The following ZBTB46 variants were observed in gnomAD, a reference collection of about 807,000 sequenced individuals.
The protein encoded by ZBTB46 is zinc finger and BTB domain-containing protein 46.
ZBTB46 carries 8 observed loss-of-function variants against 44.1 expected under a neutral mutation model. That is an observed-to-expected ratio of 0.18 (90% CI 0.11 to 0.33). The LOEUF is 0.33. Among genes scored for constraint, ZBTB46 ranks in the 10% least tolerant of loss-of-function variants. The probability of loss-of-function intolerance (pLI) is 1.00; values close to 1 mark genes in which losing one functional copy is unlikely to be tolerated. For missense variants in ZBTB46, 651 were observed against 847.7 expected (o/e 0.77, Z 2.88); for synonymous variants, 409 against 382.3 (o/e 1.07, Z -0.81).
rs757954807 is a variant in ZBTB46, at chr20:63,752,827, C to T, written c.1257G>A (p.Lys419=). The T allele has an allele frequency of 1.9e-6, 3 of 1,611,236 alleles. No homozygotes were observed. The Admixed American group carries it at 5.0e-5, about 27-fold the overall frequency. ...TGGCCGAGAAGCTGCAGTACGGACA[C>T]TTGAACTTCTTCCTGATCACCGTGA... ...NEFTVIRKKF[K]CPYCSFSAMH... is the part of the protein sequence containing the mutation. Residue 419 remains lysine, a synonymous_variant, in exon 4 of 5, where the codon AAG becomes AAA. Transcript: ENST00000245663. The surrounding 1 kb of genome is among the most constrained non-coding windows in gnomAD (Gnocchi z 5.6).
At chr20:63,802,233 G>C (rs1440205393) in intron 1 of ZBTB46, among the ~76,000 whole-genome samples, 1 of 152,122 alleles carries the variant, frequency 6.6e-6, no homozygotes, top group Non-Finnish European at 1.5e-5. Context: ...GACTAGCCTG[G>C]CCAACATGGT....
At chr20:63,815,918 T>C (rs1190704858) in intron 1 of ZBTB46, among the ~76,000 whole-genome samples, 1 of 144,848 alleles carries the variant, frequency 6.9e-6, no homozygotes, top group African/African-American at 2.6e-5. Context: ...TGGACACAGG[T>C]GGGCACAGGT....
chr20:63,779,758 C>T (rs1419673723), intron 2 of ZBTB46, among the ~76,000 whole-genome samples: 1 of 151,772 alleles, frequency 6.6e-6, no homozygotes, highest in East Asian at 1.9e-4. Context: ...CGGGGTTTCA[C>T]CACATTGGTC....
At chr20:63,776,313 G>A (rs1475367061) in intron 2 of ZBTB46, among the ~76,000 whole-genome samples, 1 of 152,234 alleles carries the variant, frequency 6.6e-6, no homozygotes, top group African/African-American at 2.4e-5. Context: ...CTCCTGGGGC[G>A]GCAGTATTTC....
At chr20:63,827,304 C>G (rs917974203) in intron 1 of ZBTB46, among the ~76,000 whole-genome samples, 1 of 152,216 alleles carries the variant, frequency 6.6e-6, no homozygotes, top group Non-Finnish European at 1.5e-5. Context: ...CGCAAAAGCC[C>G]ATCTGTCAAA....
chr20:63,770,886 C>CA (rs2145840472), intron 3 of ZBTB46, among the ~76,000 whole-genome samples: 1 of 152,346 alleles, frequency 6.6e-6, no homozygotes, highest in East Asian at 1.9e-4. Context: ...ACCACGCTAA[C>CA]AAGAGGCCCA....
At chr20:63,795,816 G>C (rs993436149) in intron 1 of ZBTB46, among the ~76,000 whole-genome samples, 31 of 152,354 alleles carry the variant, frequency 2.0e-4, no homozygotes, top group African/African-American at 7.5e-4. Context: ...TGAAGGAAGA[G>C]TGGCCTCTGC....
In ZBTB46 at chr20:63,803,070, T is replaced by A. The variant is rs2092659540; in HGVS notation, c.-33-12280A>T. Among the ~76,000 whole-genome samples, 1 of 152,142 alleles carries A rather than the reference T, an allele frequency of 6.6e-6. No homozygotes were observed. The highest frequency in any genetic ancestry group is 2.1e-4 in the South Asian group (1 of 4,830). On this transcript the variant is annotated intron_variant, in intron 1 of 4. Transcript: ENST00000245663. This position sits in a 1 kb window ranked among gnomAD's most constrained non-coding sequence, Gnocchi z 4.0. ...AGGAGGAAACACGTTTCTGGGCAGC[T>A]CTGCCCACTCTTGCGAAGAAACCCA...
At chr20:63,791,495 C>CAAAAAAA in intron 1 of ZBTB46, among the ~76,000 whole-genome samples, 1 of 61,196 alleles carries the variant, frequency 1.6e-5, no homozygotes, top group Admixed American at 1.7e-4. Context: ...GACTCCATCT[C>CAAAAAAA]AAAAAAAAAA....
chr20:63,828,020 A>G (rs2092828890), intron 1 of ZBTB46, among the ~76,000 whole-genome samples: 2 of 152,246 alleles, frequency 1.3e-5, no homozygotes. Flanking sequence ...TCCTGGCCTC[A>G]AGCGGCCCGC....
chr20:63,812,949 T>C (rs1429353386), intron 1 of ZBTB46, among the ~76,000 whole-genome samples: 1 of 151,838 alleles, frequency 6.6e-6, no homozygotes, highest in African/African-American at 2.4e-5. Flanking sequence ...GAGAAAAATA[T>C]TAGCTGGGTG....
Position 63,784,901 on chromosome 20 carries a change from G to A in ZBTB46, c.937+4920C>T, listed in dbSNP as rs115168297. ...ACAGAGGGGTTGGGGCATCGGCGTC[G>A]AATGATCCACGGTGACCACTTGACA... On this transcript the variant is annotated intron_variant, in intron 2 of 4. Transcript: ENST00000245663. 8.1e-3 allele frequency among the ~76,000 whole-genome samples: 1,239 copies of A among 152,294 alleles called. 13 individuals carry two copies. Among genetic ancestry groups the A allele is most frequent in the African/African-American group, 0.028 (1,147 of 41,554 alleles).
chr20:63,751,629 T>G (rs2092163488), intron 4 of ZBTB46, among the ~76,000 whole-genome samples: 1 of 146,278 alleles, frequency 6.8e-6, no homozygotes, highest in African/African-American at 2.5e-5. Flanking sequence ...CCCCAGTGGG[T>G]CTCCCCATAA....
Position 63,743,870 on chromosome 20 carries a change from C to T in ZBTB46, c.*3060G>A, listed in dbSNP as rs1013122885. ...CGAGCGATTACGAGAACCTCTTCCC[C>T]CAATAGTAGACACATCTCCAATACA... On this transcript the variant is annotated 3_prime_UTR_variant, in exon 5 of 5. Transcript: ENST00000245663. 3 of 152,290 alleles carry T rather than the reference C, an allele frequency of 2.0e-5. No individual in the cohort carries two copies. The highest frequency in any genetic ancestry group is 7.3e-5 in the African/African-American group (3 of 41,314). 9.4% of individuals were successfully genotyped at this position (152,290 alleles called of 1,614,324 possible). A position where few individuals can be genotyped will look rare whatever the true frequency, so the allele number is the denominator to read the frequency against.
intron 1 of ZBTB46, among the ~76,000 whole-genome samples, chr20:63,800,667 C>T (rs1168497775): frequency 6.6e-6 from 1 of 152,218 alleles, no homozygotes; most frequent in African/African-American, 2.4e-5. Flanking sequence ...CGGCCCAGGG[C>T]AATGAGGGGC....
chr20:63,795,203 T>C (rs1183883595), intron 1 of ZBTB46, among the ~76,000 whole-genome samples: 1 of 152,220 alleles, frequency 6.6e-6, no homozygotes, highest in African/African-American at 2.4e-5. Flanking sequence ...GATCCTTCCC[T>C]TCAAACAGAA....
rs546046561 is a variant in ZBTB46 at position 63,787,564 on chromosome 20, A to G, written c.937+2257T>C. Among the ~76,000 whole-genome samples the G allele has an allele frequency of 6.6e-6, 1 of 152,302 alleles. No homozygotes were observed. The highest frequency in any genetic ancestry group is 1.9e-4 in the East Asian group (1 of 5,172). ...TTCCCATGGTGCCACAGCTGCCTGC[A>G]GTGCTCAGCACCGTAACTAACACTG... On this transcript the variant is annotated intron_variant, in intron 2 of 4. Coordinates refer to ENST00000245663, the MANE Select transcript of ZBTB46 (RefSeq NM_001369741.1). The surrounding 1 kb of genome is among the most constrained non-coding windows in gnomAD (Gnocchi z 4.6).
intron 1 of ZBTB46, among the ~76,000 whole-genome samples, chr20:63,822,550 C>G (rs1290812175): frequency 6.6e-6 from 1 of 152,222 alleles, no homozygotes; most frequent in Non-Finnish European, 1.5e-5. Context: ...TGACAGCTTC[C>G]TCACCCTCCC....
chr20:63,776,193 A>C (rs921281123), intron 2 of ZBTB46, among the ~76,000 whole-genome samples: 2 of 152,176 alleles, frequency 1.3e-5, no homozygotes, highest in Admixed American at 1.3e-4. Context: ...GTCTCAGCCA[A>C]GGCTTTGGAG....
Sources: gnomAD v4.1 joint callset for allele counts (sites outside exome capture counted in the v4.1 genomes callset) on GRCh38, gnomAD v4.1.1 for gene constraint, Gnocchi (gnomAD v3.1) non-coding constraint, MANE v1.5 for transcripts, NCBI Gene and HGNC (gene_info 2026-07-23, HGNC 2026-07-21) for gene names.